CAPN6: variants seen among roughly 807,000 people sequenced by gnomAD.
CAPN6 encodes calpain 6, also known as calpain-6.
CAPN6 carries 16 observed loss-of-function variants against 46.0 expected under a neutral mutation model. The observed-to-expected ratio is 0.35, with a 90% CI of 0.24 to 0.53. The LOEUF is 0.53. CAPN6 is among the 20% of genes least tolerant of loss of function. The pLI is 0.94. For synonymous variants in CAPN6, 206 were observed against 172.8 expected, an observed-to-expected ratio of 1.19 and a Z score of -1.51; for missense variants, 461 against 498.0, an observed-to-expected ratio of 0.93 and a Z score of 0.71.
chrX:111,255,277 C>T (rs2094982857), intron 2 of CAPN6, among the ~76,000 whole-genome samples: 1 of 112,366 alleles, frequency 8.9e-6, no homozygotes, highest in Non-Finnish European at 1.9e-5. Flanking sequence ...TGATCACAGT[C>T]AGAATAGGAT....
At chrX:111,264,793 A>C (rs753669651) in intron 1 of CAPN6, among the ~76,000 whole-genome samples, 14 of 111,058 alleles carry the variant, frequency 1.3e-4, no homozygotes, top group Non-Finnish European at 2.3e-4. Flanking sequence ...TGTCTATCAG[A>C]GTGCCCCACA....
Position 111,251,229 on chromosome X carries a change from C to G in CAPN6, c.951G>C (p.Met317Ile), listed in dbSNP as rs2094979116. The G allele has an allele frequency of 1.7e-5, 20 of 1,209,651 alleles. No homozygotes were observed. The highest frequency in any genetic ancestry group is 2.0e-5 in the Non-Finnish European group (18 of 895,021). The change falls in exon 7 of 13, where the codon ATG becomes ATC. Residue 317 changes from methionine to isoleucine, a missense_variant. By Grantham distance (10) the Met-to-Ile change is conservative. Coordinates refer to ENST00000324068, the MANE Select transcript of CAPN6 (RefSeq NM_014289.4). ...CTCACCAAAACTCTCCATCATCAGA[C>G]ATAACAAGCCCCAGGTTCTTGCGAT... ...ASDRKNLGLV[M>I]SDDGEFWMSL...
At chrX:111,248,018 T>C in intron 10 of CAPN6, 26 bp from the exon 11 acceptor site, 2 of 1,189,091 alleles carry the variant, frequency 1.7e-6, no homozygotes, top group South Asian at 1.8e-5. Context: ...TAAAATATTG[T>C]CATCATATGA....
At position 111,248,614 on chromosome X, in the gene CAPN6, C is replaced by G. The variant is rs200048224; in HGVS notation, c.1439G>C (p.Ser480Thr). Reference protein sequence around the residue: ...VPTMFQHGRTSEFLLRIFSEV... With the variant: ...VPTMFQHGRTTEFLLRIFSEV... ...AGAGAAGATTCTCAGGAGAAACTCG[C>G]TGGTGCGACCATGCTGGAACATGGT... The change falls in exon 10 of 13, where the codon AGC (serine) becomes ACC (threonine). Residue 480 changes from serine (S) to threonine (T), a missense_variant. Coordinates refer to ENST00000324068, the MANE Select transcript of CAPN6 (RefSeq NM_014289.4). 8 of 1,208,061 alleles carry G rather than the reference C, an allele frequency of 6.6e-6. No homozygotes were observed. Among genetic ancestry groups the G allele is most frequent in the African/African-American group, 1.8e-5 (1 of 57,060 alleles).
chrX:111,250,905 A>G lies in CAPN6; in HGVS notation c.1158+12T>C, dbSNP rs775605134. ...GGATAACTTTGAGGCAAATAAAGTAATTGACTCAAACCTGGGGATTCTGCA... is the reference window on the plus strand; with the variant it reads ...GGATAACTTTGAGGCAAATAAAGTAGTTGACTCAAACCTGGGGATTCTGCA... On this transcript the variant is annotated intron_variant, in intron 8 of 12. Coordinates refer to ENST00000324068, the MANE Select transcript of CAPN6 (RefSeq NM_014289.4). The G allele has an allele frequency of 2.5e-6, 3 of 1,200,792 alleles. No individual in the cohort carries two copies. The Admixed American group carries it at 6.6e-5, about 27-fold the overall frequency.
In CAPN6 at chrX:111,246,542, G is replaced by C. The variant is rs2094974670; in HGVS notation, c.*35C>G. The C allele has an allele frequency of 1.8e-6, 2 of 1,140,309 alleles. No individual in the cohort carries two copies. Among genetic ancestry groups the C allele is most frequent in the Non-Finnish European group, 2.4e-6 (2 of 835,887 alleles). 94.0% of individuals were successfully genotyped at this position (1,140,309 alleles called of 1,213,427 possible). A position where few individuals can be genotyped will look rare whatever the true frequency, so the allele number is the denominator to read the frequency against. On this transcript the variant is annotated 3_prime_UTR_variant, in exon 13 of 13. Coordinates refer to ENST00000324068, the MANE Select transcript of CAPN6 (RefSeq NM_014289.4). The stretch of plus-strand genomic sequence containing the variant: ...GGCACCTGACGGAAAATAAAAGGGT[G>C]GCACGCTTTGTCAGGATTCTCTGGG...
chrX:111,246,364 C>T lies in CAPN6; in HGVS notation c.*213G>A, dbSNP rs933505044. 11 of 413,619 alleles carry T rather than the reference C, an allele frequency of 2.7e-5. No individual in the cohort carries two copies. The highest frequency in any genetic ancestry group is 4.3e-5 in the Admixed American group (1 of 23,467). The allele number at this position is 413,619 out of a possible 1,213,427, so 34.1% of individuals were successfully genotyped here. ...GTGTATGATGTCTAGATAGGACTGT[C>T]GCCTCCCCATGTCCAGCTGCTGGAG... On this transcript the variant is annotated 3_prime_UTR_variant, in exon 13 of 13. Coordinates refer to ENST00000324068, the MANE Select transcript of CAPN6 (RefSeq NM_014289.4).
At chrX:111,262,685 T>C (rs898140685) in intron 2 of CAPN6, among the ~76,000 whole-genome samples, 3 of 111,910 alleles carry the variant, frequency 2.7e-5, no homozygotes, top group African/African-American at 9.7e-5. Flanking sequence ...AGTTATACCC[T>C]TTAGGTATAG....
At chrX:111,269,877 C>CCAGAGTTCA (rs1207618855) in intron 1 of CAPN6, among the ~76,000 whole-genome samples, 1 of 112,006 alleles carries the variant, frequency 8.9e-6, no homozygotes, top group African/African-American at 3.2e-5. Context: ...CACCCTCCTA[C>CCAGAGTTCA]CAGAGTTCAC....
chrX:111,270,311 C>T (rs1002740859), intron 1 of CAPN6, 60 bp downstream of exon 1: 2 of 271,226 alleles, frequency 7.4e-6, no homozygotes, highest in South Asian at 4.0e-5. Context: ...CTTTCTTAGA[C>T]GCTAAGTTAT....
At chrX:111,265,946 T>A (rs2094991473) in intron 1 of CAPN6, among the ~76,000 whole-genome samples, 1 of 111,241 alleles carries the variant, frequency 9.0e-6, no homozygotes, top group Non-Finnish European at 1.9e-5. Flanking sequence ...CAGGTTTGAT[T>A]TTTAAAGCCC....
chrX:111,252,101 G>C (rs1444469604), intron 5 of CAPN6, among the ~76,000 whole-genome samples: 1 of 111,794 alleles, frequency 8.9e-6, no homozygotes, highest in Non-Finnish European at 1.9e-5. Context: ...ATGCTGCATT[G>C]GTTCCATGTG....
intron 6 of CAPN6, 37 bp downstream of exon 6, chrX:111,251,512 T>C: frequency 9.0e-7 from 1 of 1,105,178 alleles, no homozygotes; most frequent in Non-Finnish European, 1.2e-6. Context: ...ACTACAGGGC[T>C]TTGGAGATGT....
chrX:111,259,436 C>T (rs2094986203), intron 2 of CAPN6, among the ~76,000 whole-genome samples: 1 of 112,277 alleles, frequency 8.9e-6, no homozygotes, highest in Non-Finnish European at 1.9e-5. Flanking sequence ...TTTCTATTAG[C>T]ACAGAGAGAA....
chrX:111,250,847 A>T, intron 8 of CAPN6, 70 bp downstream of exon 8: 1 of 988,779 alleles, frequency 1.0e-6, no homozygotes, highest in Non-Finnish European at 1.4e-6. Flanking sequence ...TACTCCAGAG[A>T]TGACCAAAGC....
At chrX:111,261,548 T>C (rs891113467) in intron 2 of CAPN6, among the ~76,000 whole-genome samples, 4 of 112,511 alleles carry the variant, frequency 3.6e-5, no homozygotes, top group African/African-American at 1.3e-4. Context: ...TCTCTCACTT[T>C]AGAAGGGCTA....
In CAPN6 at chrX:111,245,814, G is replaced by T. The variant is rs1426334566; in HGVS notation, c.*763C>A. The T allele has an allele frequency of 8.8e-6, 1 of 113,170 alleles. No individual in the cohort carries two copies. Among genetic ancestry groups the T allele is most frequent in the Non-Finnish European group, 1.9e-5 (1 of 53,546 alleles). The allele number at this position is 113,170 out of a possible 1,213,427, so 9.3% of individuals were successfully genotyped here. Reference sequence around the variant, plus strand: ...TGGATGGGTGGGGGACCGAGGCTTTGTCTCCCACTGCAGCTTCTTCCACTT... The same window carrying T: ...TGGATGGGTGGGGGACCGAGGCTTTTTCTCCCACTGCAGCTTCTTCCACTT... On this transcript the variant is annotated 3_prime_UTR_variant, in exon 13 of 13. Transcript: ENST00000324068.
intron 12 of CAPN6, among the ~76,000 whole-genome samples, chrX:111,247,001 G>A (rs2094975035): frequency 8.9e-6 from 1 of 111,873 alleles, no homozygotes; most frequent in African/African-American, 3.2e-5. Context: ...AAAGGCTGCT[G>A]GTCAGGAGTA....
intron 9 of CAPN6, 47 bp from the exon 10 acceptor site, chrX:111,248,818 T>C (rs1272606306): frequency 1.8e-5 from 21 of 1,189,377 alleles, no homozygotes; most frequent in Non-Finnish European, 2.2e-5. Flanking sequence ...CAAATCATGG[T>C]TTTTGTATGC....
Sources: gnomAD v4.1 joint callset for allele counts (sites outside exome capture counted in the v4.1 genomes callset) on GRCh38, gnomAD v4.1.1 for gene constraint, MANE v1.5 for transcripts, NCBI Gene and HGNC (gene_info 2026-07-23, HGNC 2026-07-21) for gene names.